The following RNASEL variants were observed in gnomAD, a reference collection of about 807,000 sequenced individuals.
The protein encoded by RNASEL is 2-5A-dependent ribonuclease.
In RNASEL, 36 loss-of-function variants were observed where a neutral mutation model predicts 50.9. That is an observed-to-expected ratio of 0.71 (90% CI 0.54 to 0.93). The LOEUF (loss-of-function observed/expected upper bound fraction) is 0.93. Among genes scored for constraint, RNASEL ranks in the 40% least tolerant of loss-of-function variants. The pLI, the probability that RNASEL is intolerant of heterozygous loss-of-function variation, is 0.00. For missense variants in RNASEL, 860 were observed against 894.5 expected (o/e 0.96, Z 0.49); for synonymous variants, 335 against 335.6 (o/e 1.00, Z 0.02).
Position 182,586,390 on chromosome 1 carries a change from T to A in RNASEL, c.417A>T (p.Lys139Asn). The change falls in exon 2 of 7, where the codon AAA becomes AAT. Residue 139 changes from lysine (K) to asparagine (N), a missense_variant. By Grantham distance (94) the Lys-to-Asn change is moderately conservative. Coordinates refer to ENST00000367559, the MANE Select transcript of RNASEL (RefSeq NM_021133.4). Reference protein sequence around the residue: ...FMEAAVYGKVKALKFLYKRGA... With the variant: ...FMEAAVYGKVNALKFLYKRGA... ...CTCTCTTATAAAGGAATTTTAGGGC[T>A]TTGACCTTACCATACACAGCGGCTT... 6.2e-7 allele frequency: 1 copy of A among 1,614,246 alleles called. No homozygotes were observed. The highest frequency in any genetic ancestry group is 8.5e-7 in the Non-Finnish European group (1 of 1,180,046).
Position 182,585,781 on chromosome 1 carries a change from G to C in RNASEL, c.1026C>G (p.His342Gln), listed in dbSNP as rs1322702274. 1.9e-6 allele frequency: 3 copies of C among 1,614,118 alleles called. No homozygotes were observed. The Admixed American group carries it at 5.0e-5, about 27-fold the overall frequency. Residue 342 changes from histidine (H) to glutamine (Q), a missense_variant, in exon 2 of 7, where the codon CAC becomes CAG. Coordinates refer to ENST00000367559, the MANE Select transcript of RNASEL (RefSeq NM_021133.4). ...GGAGATCCTTCAGGGCTGCCCCCCA[G>C]TGTGAGCTCTGAGGCTTCCAGTCTT... ...PAEDWKPQSS[H>Q]WGAALKDLHR...
At chr1:182,585,238 A>G (rs1661569143) in intron 2 of RNASEL, 89 bp downstream of exon 2, 10 of 1,255,350 alleles carry the variant, frequency 8.0e-6, no homozygotes, top group Non-Finnish European at 1.1e-5. Context: ...CATTTACTCT[A>G]GGCCTTTCCT....
Position 182,585,550 on chromosome 1 carries a change from T to C in RNASEL, c.1257A>G (p.Thr419=). 1 of 1,614,224 alleles carries C rather than the reference T, an allele frequency of 6.2e-7. No homozygotes were observed. ...QSSRENSHLV[T]FYGSESHRGH... ...CCCTGTGGCTCTCACTCCCATAGAA[T>C]GTCACCAAGTGACTGTTCTCTCGGC... Residue 419 remains threonine, a synonymous_variant, in exon 2 of 7, where the codon ACA becomes ACG. Coordinates refer to ENST00000367559, the MANE Select transcript of RNASEL (RefSeq NM_021133.4).
rs377386196 is a variant in RNASEL at position 182,586,423 on chromosome 1, G to C, written c.384C>G (p.Ala128=). The C allele has an allele frequency of 2.5e-6, 4 of 1,614,004 alleles. No individual in the cohort carries two copies. Among genetic ancestry groups the C allele is most frequent in the Non-Finnish European group, 3.4e-6 (4 of 1,180,042 alleles). The change falls in exon 2 of 7, where the codon GCC becomes GCG. Residue 128 remains alanine, a synonymous_variant. Transcript: ENST00000367559. The part of the protein sequence containing the change: ...VNECDFYGFT[A]FMEAAVYGKV... The stretch of plus-strand genomic sequence containing the variant: ...TACCATACACAGCGGCTTCCATGAA[G>C]GCTGTGAAGCCATAAAAATCACACT...
intron 3 of RNASEL, among the ~76,000 whole-genome samples, chr1:182,583,774 A>G (rs539401395): frequency 6.6e-6 from 1 of 152,144 alleles, no homozygotes; most frequent in Admixed American, 6.5e-5. Context: ...GGAGTTTTGG[A>G]CTTACACCAG....
intron 4 of RNASEL, 90 bp downstream of exon 4, chr1:182,581,963 G>A (rs748310634): frequency 1.8e-6 from 2 of 1,126,924 alleles, no homozygotes; most frequent in Admixed American, 1.7e-5. Context: ...AAAAGCCTGG[G>A]TCTCCTGATT....
At chr1:182,581,137 G>T (rs1351978148) in intron 5 of RNASEL, 88 bp downstream of exon 5, 1 of 1,596,064 alleles carries the variant, frequency 6.3e-7, no homozygotes, top group African/African-American at 1.3e-5. Flanking sequence ...TTTGCCACTG[G>T]TGTAAAATAA....
In RNASEL at chr1:182,586,776, C is replaced by T. The variant is rs1661609037; in HGVS notation, c.31G>A (p.Glu11Lys). Residue 11 changes from glutamate (E) to lysine (K), a missense_variant, in exon 2 of 7, where the codon GAG becomes AAG. Coordinates refer to ENST00000367559, the MANE Select transcript of RNASEL (RefSeq NM_021133.4). ...CTACCGCTGGAGGACGTGGGTCCCT[C>T]CTGGGGGTTGTTATGATCCCTGCTC... MESRDHNNPQ[E>K]GPTSSSGRRA... 6.2e-7 allele frequency: 1 copy of T among 1,614,240 alleles called. No homozygotes were observed. The highest frequency in any genetic ancestry group is 8.5e-7 in the Non-Finnish European group (1 of 1,180,040).
intron 5 of RNASEL, 104 bp downstream of exon 5, chr1:182,581,121 C>T (rs1558471319): frequency 6.4e-7 from 1 of 1,563,018 alleles, no homozygotes; most frequent in African/African-American, 1.4e-5. Context: ...CTCTTTGAGC[C>T]TCTGGTTTGC....
Position 182,581,206 on chromosome 1 carries a change from C to G in RNASEL, c.1905+19G>C. On this transcript the variant is annotated intron_variant, in intron 5 of 6. Coordinates refer to ENST00000367559, the MANE Select transcript of RNASEL (RefSeq NM_021133.4). ...TCTTATTCCTGGACTAACCCCTGCA[C>G]TATAGGAATTGTTCATACCTTAGTC... 2 of 1,614,148 alleles carry G rather than the reference C, an allele frequency of 1.2e-6. No homozygotes were observed. Among genetic ancestry groups the G allele is most frequent in the South Asian group, 1.1e-5 (1 of 91,076 alleles).
chr1:182,581,215 T>C lies in RNASEL; in HGVS notation c.1905+10A>G, dbSNP rs768582234. On this transcript the variant is annotated intron_variant, in intron 5 of 6. Transcript: ENST00000367559. Reference sequence around the variant, plus strand: ...TGGACTAACCCCTGCACTATAGGAATTGTTCATACCTTAGTCGTCCACTTG... The same window carrying C: ...TGGACTAACCCCTGCACTATAGGAACTGTTCATACCTTAGTCGTCCACTTG... 1 of 1,614,166 alleles carries C rather than the reference T, an allele frequency of 6.2e-7. No homozygotes were observed. Among genetic ancestry groups the C allele is most frequent in the Non-Finnish European group, 8.5e-7 (1 of 1,180,022 alleles).
At position 182,585,247 on chromosome 1, in the gene RNASEL, C is replaced by A. The variant is rs1661569312; in HGVS notation, c.1480+80G>T. On this transcript the variant is annotated intron_variant, in intron 2 of 6. Transcript: ENST00000367559. ...CATCCACATTTACTCTAGGCCTTTCCTCTCTGCAATGAAAAACTTTTCCTA... is the reference window on the plus strand; with the variant it reads ...CATCCACATTTACTCTAGGCCTTTCATCTCTGCAATGAAAAACTTTTCCTA... The A allele has an allele frequency of 3.6e-6, 5 of 1,395,734 alleles. No homozygotes were observed. The Admixed American group carries it at 9.2e-5, about 26-fold the overall frequency. 86.5% of individuals were successfully genotyped at this position (1,395,734 alleles called of 1,614,324 possible).
intron 2 of RNASEL, 82 bp from the exon 3 acceptor site, chr1:182,584,248 C>T: frequency 1.1e-6 from 1 of 920,740 alleles, no homozygotes; most frequent in Non-Finnish European, 1.8e-6. Context: ...AAATATGTAA[C>T]ATGCTATAAA....
At position 182,585,739 on chromosome 1, in the gene RNASEL, A is replaced by G. The variant is rs1253095153; in HGVS notation, c.1068T>C (p.Pro356=). The part of the protein sequence containing the change: ...ALKDLHRIYR[P]MIGKLKFFID... ...TAAAGAACTTGAGTTTGCCAATCATAGGGCGGTATATTCTGTGGAGATCCT... is the reference window on the plus strand; with the variant it reads ...TAAAGAACTTGAGTTTGCCAATCATGGGGCGGTATATTCTGTGGAGATCCT... Residue 356 remains proline (P), a synonymous_variant, in exon 2 of 7, where the codon CCT becomes CCC. Transcript: ENST00000367559. The G allele has an allele frequency of 3.1e-6, 5 of 1,613,942 alleles. No individual in the cohort carries two copies. The African/African-American group carries it at 6.7e-5, about 22-fold the overall frequency.
Position 182,585,748 on chromosome 1 carries a change from T to C in RNASEL, c.1059A>G (p.Ile353Met), listed in dbSNP as rs557176736. Residue 353 changes from isoleucine to methionine, a missense_variant, in exon 2 of 7, where the codon ATA becomes ATG. Transcript: ENST00000367559. ...TGAGTTTGCCAATCATAGGGCGGTA[T>C]ATTCTGTGGAGATCCTTCAGGGCTG... is the stretch of plus-strand genomic sequence containing the variant. ...WGAALKDLHR[I>M]YRPMIGKLKF... 203 of 1,614,126 alleles carry C rather than the reference T, an allele frequency of 1.3e-4. 1 individual carries two copies. In the South Asian group the frequency reaches 2.1e-3, roughly 17 times the overall value.
chr1:182,587,610 G>A (rs1661625254), intron 1 of RNASEL, among the ~76,000 whole-genome samples: 1 of 131,928 alleles, frequency 7.6e-6, no homozygotes. Context: ...GAGATAGGTG[G>A]CTTCCAAAAA....
rs375149435 is a variant in RNASEL, at chr1:182,585,738, T to C, written c.1069A>G (p.Met357Val). The change falls in exon 2 of 7, where the codon ATG becomes GTG. Residue 357 changes from methionine to valine, a missense_variant. Met to Val is a conservative substitution (Grantham distance 21). Coordinates refer to ENST00000367559, the MANE Select transcript of RNASEL (RefSeq NM_021133.4). ...ATAAAGAACTTGAGTTTGCCAATCA[T>C]AGGGCGGTATATTCTGTGGAGATCC... ...LKDLHRIYRPMIGKLKFFIDE... is the reference protein window; with the variant it reads ...LKDLHRIYRPVIGKLKFFIDE... 12 of 1,613,966 alleles carry C rather than the reference T, an allele frequency of 7.4e-6. No individual in the cohort carries two copies. In the African/African-American group the frequency reaches 9.3e-5, roughly 13 times the overall value.
In RNASEL at chr1:182,574,443, T is replaced by C. The variant is rs918198407; in HGVS notation, c.*949A>G. The C allele has an allele frequency of 4.3e-6, 1 of 230,208 alleles. No homozygotes were observed. Among genetic ancestry groups the C allele is most frequent in the Non-Finnish European group, 8.6e-6 (1 of 116,362 alleles). The allele number at this position is 230,208 out of a possible 1,614,324, so 14.3% of individuals were successfully genotyped here. On this transcript the variant is annotated 3_prime_UTR_variant, in exon 7 of 7. Coordinates refer to ENST00000367559, the MANE Select transcript of RNASEL (RefSeq NM_021133.4). ...TCACTACAGATCCAGCAAGAGTAAA[T>C]AAATCTGAGTCCCTCCTCTGTGGGG...
At position 182,575,225 on chromosome 1, in the gene RNASEL, T is replaced by G; in HGVS notation, c.*167A>C. ...GGACTAGTGTAGTCTGGGTATATATTGCTTTTGTTATAGACATATGGAATA... is the reference window on the plus strand; with the variant it reads ...GGACTAGTGTAGTCTGGGTATATATGGCTTTTGTTATAGACATATGGAATA... On this transcript the variant is annotated 3_prime_UTR_variant, in exon 7 of 7. Coordinates refer to ENST00000367559, the MANE Select transcript of RNASEL (RefSeq NM_021133.4). 4.4e-6 allele frequency: 3 copies of G among 683,442 alleles called. No individual in the cohort carries two copies. The South Asian group carries it at 5.1e-5, about 12-fold the overall frequency. The allele number at this position is 683,442 out of a possible 1,614,324, so 42.3% of individuals were successfully genotyped here. A position where few individuals can be genotyped will look rare whatever the true frequency, so the allele number is the denominator to read the frequency against.
Sources: gnomAD v4.1 joint callset for allele counts (sites outside exome capture counted in the v4.1 genomes callset) on GRCh38, gnomAD v4.1.1 for gene constraint, MANE v1.5 for transcripts, NCBI Gene and HGNC (gene_info 2026-07-23, HGNC 2026-07-21) for gene names.